The following TRAFD1 variants were observed in gnomAD, a reference collection of about 807,000 sequenced individuals.
TRAFD1 encodes the protein TRAF-type zinc finger domain containing 1.
Under a neutral mutation model 65.3 loss-of-function variants are expected in TRAFD1, and 38 were observed. That is an observed-to-expected ratio of 0.58 (90% CI 0.45 to 0.76). The LOEUF is 0.76. TRAFD1 is among the 30% of genes least tolerant of loss of function. The pLI is 0.00. For missense variants in TRAFD1, 631 were observed against 712.6 expected (o/e 0.89, Z 1.30); for synonymous variants, 223 against 257.2 (o/e 0.87, Z 1.27).
At chr12:112,125,977 G>C (rs1203672083) in intron 1 of TRAFD1, 2 of 152,250 alleles carry the variant, frequency 1.3e-5, no homozygotes, top group Non-Finnish European at 2.9e-5. Flanking sequence ...CCGGCGTGGG[G>C]GGTCGCGAGT....
chr12:112,149,088 G>C (rs1389691267), intron 8 of TRAFD1, among the ~76,000 whole-genome samples: 1 of 151,738 alleles, frequency 6.6e-6, no homozygotes, highest in Non-Finnish European at 1.5e-5. Flanking sequence ...TGTGGTGGCG[G>C]GCACCTGTAA....
At chr12:112,136,228 A>C (rs2029903998) in intron 4 of TRAFD1, among the ~76,000 whole-genome samples, 1 of 150,024 alleles carries the variant, frequency 6.7e-6, no homozygotes. Flanking sequence ...CTCCTGCCTC[A>C]GCCTCCCAAA....
chr12:112,148,847 G>T (rs2030325981), intron 8 of TRAFD1, among the ~76,000 whole-genome samples: 1 of 152,204 alleles, frequency 6.6e-6, no homozygotes, highest in African/African-American at 2.4e-5. Flanking sequence ...AGTCAACACT[G>T]CAGCTACCAT....
At chr12:112,129,896 C>G (rs1008101405) in intron 1 of TRAFD1, among the ~76,000 whole-genome samples, 1 of 151,966 alleles carries the variant, frequency 6.6e-6, no homozygotes, top group East Asian at 1.9e-4. Context: ...CCTGCCTCGG[C>G]CTCCCTAAGT....
In TRAFD1 at chr12:112,151,793, C is replaced by T. The variant is rs374579869; in HGVS notation, c.1280-8C>T. 4.4e-6 allele frequency: 7 copies of T among 1,608,082 alleles called. No homozygotes were observed. Among genetic ancestry groups the T allele is most frequent in the Non-Finnish European group, 6.0e-6 (7 of 1,175,746 alleles). On this transcript the variant is annotated splice_polypyrimidine_tract_variant and splice_region_variant and intron_variant, in intron 9 of 11. Coordinates refer to ENST00000412615, the MANE Select transcript of TRAFD1 (RefSeq NM_006700.3). The stretch of plus-strand genomic sequence containing the variant: ...TTTCCTAAAGCTGTTACCATTTTCT[C>T]TTCTCAGGAGACCTGTCTTCTGGTT...
chr12:112,142,881 TGAG>T (rs1373941279), intron 6 of TRAFD1, among the ~76,000 whole-genome samples: 2 of 152,068 alleles, frequency 1.3e-5, no homozygotes, highest in Non-Finnish European at 2.9e-5. Context: ...TGAATATAGA[TGAG>T]GAGTATATGG....
chr12:112,140,719 A>C, intron 4 of TRAFD1, 100 bp from the exon 5 acceptor site: 1 of 1,381,114 alleles, frequency 7.2e-7, no homozygotes, highest in Non-Finnish European at 9.9e-7. Flanking sequence ...AAGGGTTGGA[A>C]GAGAAGATTG....
rs1273209887 is a variant in TRAFD1, at chr12:112,151,951, A to G, written c.1430A>G (p.Gln477Arg). ...ACATCAGGCCCCAGACCTGGGTGCCAGCCCAGCTCTCCTTGTGTGCCGAAG... is the reference window on the plus strand; with the variant it reads ...ACATCAGGCCCCAGACCTGGGTGCCGGCCCAGCTCTCCTTGTGTGCCGAAG... ...RSTSGPRPGC[Q>R]PSSPCVPKLS... The change falls in exon 10 of 12, where the codon CAG (glutamine) becomes CGG (arginine). Residue 477 changes from glutamine to arginine, a missense_variant. Physicochemically the swap from Gln to Arg is conservative, Grantham distance 43. Transcript: ENST00000412615. The G allele has an allele frequency of 6.2e-7, 1 of 1,614,238 alleles. No individual in the cohort carries two copies. The highest frequency in any genetic ancestry group is 1.7e-5 in the Admixed American group (1 of 60,032).
At position 112,149,820 on chromosome 12, in the gene TRAFD1, C is replaced by T. The variant is rs562930540; in HGVS notation, c.1228C>T (p.Gln410Ter). Residue 410 changes from glutamine (Q) to a stop codon, truncating the protein, a stop_gained, in exon 9 of 12, where the codon CAG (glutamine) becomes TAG (stop). Coordinates refer to ENST00000412615, the MANE Select transcript of TRAFD1 (RefSeq NM_006700.3). LOFTEE classifies it high-confidence loss of function. Reference sequence around the variant, plus strand: ...AGAGGGGATTCCTAGACTGGATTCCCAGCCTCAAGAGACCTCACCAGAGCT... The same window carrying T: ...AGAGGGGATTCCTAGACTGGATTCCTAGCCTCAAGAGACCTCACCAGAGCT... ...VTEGIPRLDSQPQETSPELPR... is the reference protein window; with the variant it reads ...VTEGIPRLDS The T allele has an allele frequency of 6.2e-7, 1 of 1,614,218 alleles. No homozygotes were observed. Among genetic ancestry groups the T allele is most frequent in the South Asian group, 1.1e-5 (1 of 91,086 alleles).
intron 6 of TRAFD1, among the ~76,000 whole-genome samples, chr12:112,143,565 T>C (rs1349315329): frequency 6.6e-6 from 1 of 151,994 alleles, no homozygotes; most frequent in Non-Finnish European, 1.5e-5. Flanking sequence ...TTCACTGATT[T>C]TTCTCCGTAG....
chr12:112,144,255 C>T, intron 6 of TRAFD1, among the ~76,000 whole-genome samples: 1 of 150,144 alleles, frequency 6.7e-6, no homozygotes. Flanking sequence ...TAACTTTAAG[C>T]TTTTGGCCTG....
chr12:112,143,384 C>T (rs927804821), intron 6 of TRAFD1, among the ~76,000 whole-genome samples: 14 of 151,700 alleles, frequency 9.2e-5, no homozygotes, highest in Admixed American at 2.0e-4. Flanking sequence ...CAGCCATGCC[C>T]GGCTAATTTT....
At position 112,142,212 on chromosome 12, in the gene TRAFD1, G is replaced by A. The variant is rs562893780; in HGVS notation, c.767G>A (p.Ser256Asn). 5 of 1,614,016 alleles carry A rather than the reference G, an allele frequency of 3.1e-6. No individual in the cohort carries two copies. The South Asian group carries it at 4.4e-5, about 14-fold the overall frequency. ...LSLQNEGQAS[S>N]VAEQDFWRAV... Reference sequence around the variant, plus strand: ...CTGCAAAATGAAGGCCAAGCCTCCAGTGTGGCAGAGCAGGACTTCTGGAGG... The same window carrying A: ...CTGCAAAATGAAGGCCAAGCCTCCAATGTGGCAGAGCAGGACTTCTGGAGG... Residue 256 changes from serine to asparagine, a missense_variant, in exon 6 of 12, where the codon AGT (serine) becomes AAT (asparagine). By Grantham distance (46) the Ser-to-Asn change is conservative. Transcript: ENST00000412615.
chr12:112,141,304 A>G, intron 5 of TRAFD1, 80 bp downstream of exon 5: 1 of 1,516,646 alleles, frequency 6.6e-7, no homozygotes, highest in South Asian at 1.3e-5. Flanking sequence ...GGGGCCAGAT[A>G]GATCTTGATT....
At chr12:112,151,404 T>G (rs1268621758) in intron 9 of TRAFD1, among the ~76,000 whole-genome samples, 1 of 151,704 alleles carries the variant, frequency 6.6e-6, no homozygotes, top group Non-Finnish European at 1.5e-5. Context: ...GTCTTTTTTT[T>G]TTTTGAGACA....
chr12:112,152,424 C>T lies in TRAFD1; in HGVS notation c.1620-3C>T. 6.2e-7 allele frequency: 1 copy of T among 1,612,782 alleles called. No individual in the cohort carries two copies. The highest frequency in any genetic ancestry group is 8.5e-7 in the Non-Finnish European group (1 of 1,180,038). ...GAGCTAGTTTCTAATTGTTTTCTTT[C>T]AGTGGTAGGAGTGAAGGTGGCAGGA... On this transcript the variant is annotated splice_region_variant and splice_polypyrimidine_tract_variant and intron_variant, in intron 10 of 11. Transcript: ENST00000412615. This position sits in a 1 kb window ranked among gnomAD's most constrained non-coding sequence, Gnocchi z 5.0.
At chr12:112,143,645 T>G (rs1396156727) in intron 6 of TRAFD1, among the ~76,000 whole-genome samples, 3 of 152,182 alleles carry the variant, frequency 2.0e-5, no homozygotes, top group African/African-American at 7.2e-5. Context: ...TCATTTTGAG[T>G]TCTGTTTGAT....
intron 2 of TRAFD1, among the ~76,000 whole-genome samples, chr12:112,133,576 C>T (rs2079576496): frequency 6.6e-6 from 1 of 152,142 alleles, no homozygotes; most frequent in Non-Finnish European, 1.5e-5. Context: ...CCTAGCTCCA[C>T]TCTTTTTGGC....
rs1456993442 is a variant in TRAFD1, at chr12:112,151,890, AATATGACAGCTAC to A, written c.1370_1382del (p.Asn457ThrfsTer46). 1.9e-6 allele frequency: 3 copies of A among 1,614,220 alleles called. No individual in the cohort carries two copies. Among genetic ancestry groups the A allele is most frequent in the Non-Finnish European group, 2.5e-6 (3 of 1,180,048 alleles). The stretch of plus-strand genomic sequence containing the variant: ...TCTGCCTCCCAGCCGACCCATTAAC[AATATGACAGCTAC>A]CTATAACCAGCTATCGAGATCAACA... On this transcript the variant is annotated frameshift_variant, in exon 10 of 12. Coordinates refer to ENST00000412615, the MANE Select transcript of TRAFD1 (RefSeq NM_006700.3). LOFTEE classifies it high-confidence loss of function.
Sources: allele counts gnomAD v4.1 joint callset (sites outside exome capture counted in the v4.1 genomes callset), GRCh38; gene constraint gnomAD v4.1.1; non-coding constraint Gnocchi (gnomAD v3.1); transcripts MANE v1.5; gene names NCBI Gene and HGNC (gene_info 2026-07-23, HGNC 2026-07-21).